The following BSG variants were observed in gnomAD, a reference collection of about 807,000 sequenced individuals.
The protein encoded by BSG is basigin (Ok blood group).
Under a neutral mutation model 43.1 loss-of-function variants are expected in BSG, and 37 were observed. The observed-to-expected ratio is 0.86, with a 90% CI of 0.66 to 1.13. The LOEUF is 1.13. BSG is among the 50% of genes most tolerant of loss of function. BSG has a pLI of 0.00. For missense variants in BSG, 599 were observed against 554.2 expected, an observed-to-expected ratio of 1.08 and a Z score of -0.81; for synonymous variants, 309 against 238.7, an observed-to-expected ratio of 1.29 and a Z score of -2.72.
Position 580,711 on chromosome 19 carries a change from G to T in BSG, c.721G>T (p.Val241Phe), listed in dbSNP as rs546180534. ...HINEGETAML[V>F]CKSESVPPVT... is the part of the protein sequence containing the mutation. ...CAACGAGGGGGAGACGGCCATGCTGGTCTGCAAGTCAGAGTCCGTGCCACC... is the reference window on the plus strand; with the variant it reads ...CAACGAGGGGGAGACGGCCATGCTGTTCTGCAAGTCAGAGTCCGTGCCACC... Residue 241 changes from valine (V) to phenylalanine (F), a missense_variant, in exon 5 of 9, where the codon GTC becomes TTC. Transcript: ENST00000333511. The T allele has an allele frequency of 1.2e-6, 2 of 1,612,874 alleles. No individual in the cohort carries two copies. The highest frequency in any genetic ancestry group is 1.7e-6 in the Non-Finnish European group (2 of 1,179,974).
chr19:571,525 C>G, upstream of BSG: 1 of 779,466 alleles, frequency 1.3e-6, no homozygotes, highest in Middle Eastern at 2.3e-4. Context: ...GGGACCCGAT[C>G]CTCCGCTCCT....
upstream of BSG, chr19:571,808 C>G (rs1014787440): frequency 1.7e-6 from 1 of 573,040 alleles, no homozygotes; most frequent in Non-Finnish European, 3.1e-6. Flanking sequence ...TGGACGCCCA[C>G]AATCTAAGCT....
chr19:580,371 G>GGTT lies in BSG; in HGVS notation c.573-6_573-4dup. On this transcript the variant is annotated splice_region_variant and splice_polypyrimidine_tract_variant and intron_variant, in intron 3 of 8. Coordinates refer to ENST00000333511, the MANE Select transcript of BSG (RefSeq NM_001728.4). ...GGTACGCGGCTCACCTGCCTGCTGT[G>GGTT]GTTGCAGGGTGGACTCCGACGACCA... 2 of 1,609,930 alleles carry GGTT rather than the reference G, an allele frequency of 1.2e-6. No individual in the cohort carries two copies. The highest frequency in any genetic ancestry group is 8.5e-7 in the Non-Finnish European group (1 of 1,179,482).
rs1272587160 is a variant in BSG, at chr19:575,943, G to GC, written c.68-1824dup. On this transcript the variant is annotated intron_variant, in intron 1 of 8. Transcript: ENST00000333511. ...TCTATGGAGGCTTTCTCTTCCGGAC[G>GC]CCCCCCCACCCCCAGTGACACGTCA... is the stretch of plus-strand genomic sequence containing the variant. Among the ~76,000 whole-genome samples, 16 of 152,042 alleles carry GC rather than the reference G, an allele frequency of 1.1e-4. No homozygotes were observed. The East Asian group carries it at 2.9e-3, about 28-fold the overall frequency.
At chr19:573,668 G>C (rs1453774390) in intron 1 of BSG, among the ~76,000 whole-genome samples, 1 of 152,132 alleles carries the variant, frequency 6.6e-6, no homozygotes, top group African/African-American at 2.4e-5. Context: ...CTTTACAGGC[G>C]AGGAAACAGC....
At position 581,355 on chromosome 19, in the gene BSG, C is replaced by A. The variant is rs1982299561; in HGVS notation, c.833C>A (p.Ser278Tyr). 1.9e-6 allele frequency: 3 copies of A among 1,612,654 alleles called. No homozygotes were observed. Among genetic ancestry groups the A allele is most frequent in the African/African-American group, 2.7e-5 (2 of 74,942 alleles). The part of the protein sequence containing the change: ...NGSESRFFVS[S>Y]SQGRSELHIE... ...TCCGAGAGCAGGTTCTTCGTGAGTT[C>A]CTCGCAGGGCCGGTCAGAGCTACAC... The change falls in exon 6 of 9, where the codon TCC becomes TAC. Residue 278 changes from serine to tyrosine, a missense_variant. Physicochemically the swap from Ser to Tyr is moderately radical, Grantham distance 144 (BLOSUM62 -2). Coordinates refer to ENST00000333511, the MANE Select transcript of BSG (RefSeq NM_001728.4).
chr19:573,909 T>C (rs1981519796), intron 1 of BSG, among the ~76,000 whole-genome samples: 1 of 152,222 alleles, frequency 6.6e-6, no homozygotes, highest in Non-Finnish European at 1.5e-5. Context: ...CCTTTCTTGC[T>C]TCATAGAAAA....
chr19:575,697 TG>T (rs28921973), intron 1 of BSG, among the ~76,000 whole-genome samples: 20,567 of 150,592 alleles, frequency 0.14, 1,635 homozygotes, highest in South Asian at 0.26. Flanking sequence ...CCCTGAGCCC[TG>T]GGCAAGGAGG....
At chr19:582,163 G>T in intron 6 of BSG, 143 bp from the exon 7 acceptor site, 1 of 1,017,512 alleles carries the variant, frequency 9.8e-7, no homozygotes, top group Admixed American at 2.7e-5. Flanking sequence ...CGTGGCCGGG[G>T]CTGATGAGCT....
chr19:571,829 G>A, upstream of BSG: 2 of 539,532 alleles, frequency 3.7e-6, no homozygotes, highest in Non-Finnish European at 6.6e-6. Context: ...GATCCCGGTT[G>A]GCTAAAACTT....
intron 5 of BSG, 21 bp downstream of exon 5, chr19:580,803 G>T: frequency 6.3e-7 from 1 of 1,587,018 alleles, no homozygotes. Flanking sequence ...AAGGAGGCTG[G>T]GGGTCCTGGA....
chr19:579,637 G>A lies in BSG; in HGVS notation c.553G>A (p.Gly185Ser), dbSNP rs371359926. 4.6e-5 allele frequency: 74 copies of A among 1,610,386 alleles called. No individual in the cohort carries two copies. The highest frequency in any genetic ancestry group is 2.7e-4 in the African/African-American group (20 of 74,894). ...GGTGCTGAAGGAGGACGCGCTGCCC[G>A]GCCAGAAAACGGAGTTCAAGTGAGT... ...GVVLKEDALP[G>S]QKTEFKVDSD... The change falls in exon 3 of 9, where the codon GGC becomes AGC. Residue 185 changes from glycine to serine, a missense_variant. Transcript: ENST00000333511.
chr19:581,775 C>T (rs1294825801), intron 6 of BSG, among the ~76,000 whole-genome samples, 184 bp downstream of exon 6: 1 of 152,272 alleles, frequency 6.6e-6, no homozygotes, highest in African/African-American at 2.4e-5. Context: ...AGCTGCGGCT[C>T]AGTGGGCAGC....
At chr19:579,095 G>A (rs927784732) in intron 2 of BSG, 1 of 461,730 alleles carries the variant, frequency 2.2e-6, no homozygotes, top group African/African-American at 2.0e-5. Flanking sequence ...GCTGCTACAA[G>A]AGCTCGATGC....
In BSG at chr19:578,045, C is replaced by T; in HGVS notation, c.339C>T (p.Asp113=). 6.2e-7 allele frequency: 1 copy of T among 1,611,334 alleles called. No individual in the cohort carries two copies. Among genetic ancestry groups the T allele is most frequent in the East Asian group, 2.2e-5 (1 of 44,836 alleles). Residue 113 remains aspartate (D), a synonymous_variant, in exon 2 of 9, where the codon GAC becomes GAT. Coordinates refer to ENST00000333511, the MANE Select transcript of BSG (RefSeq NM_001728.4). ...CTTACGAGTGCCGGGCCAGCAACGACCCGGATCGCAACCACCTGACCCGGG... is the reference window on the plus strand; with the variant it reads ...CTTACGAGTGCCGGGCCAGCAACGATCCGGATCGCAACCACCTGACCCGGG... The part of the protein sequence containing the change: ...TGTYECRASN[D]PDRNHLTRAP...
chr19:578,171 CCGCT>C, intron 2 of BSG, 50 bp downstream of exon 2: 1 of 1,451,742 alleles, frequency 6.9e-7, no homozygotes, highest in Non-Finnish European at 9.2e-7. Context: ...CCCTCCTGTG[CCGCT>C]CGCCTCCCGG....
Position 577,809 on chromosome 19 carries a change from TG to T in BSG, c.106del (p.Val36TrpfsTer84). The T allele has an allele frequency of 6.9e-7, 1 of 1,445,540 alleles. No individual in the cohort carries two copies. The allele number at this position is 1,445,540 out of a possible 1,614,324, so 89.5% of individuals were successfully genotyped here. A position where few individuals can be genotyped will look rare whatever the true frequency, so the allele number is the denominator to read the frequency against. ...FVQAPLSQQR[W>X]VGGSVELHCE... ...CCAGGCGCCGCTGTCCCAGCAGAGG[TG>T]GGTGGGGGGCAGTGTGGAGCTGCAC... On this transcript the variant is annotated frameshift_variant, in exon 2 of 9. Transcript: ENST00000333511. LOFTEE classifies it high-confidence loss of function.
chr19:583,020 G>A lies in BSG; in HGVS notation c.*276G>A, dbSNP rs1179037292. 4 of 192,174 alleles carry A rather than the reference G, an allele frequency of 2.1e-5. No homozygotes were observed. The highest frequency in any genetic ancestry group is 9.2e-5 in the South Asian group (1 of 10,854). 11.9% of individuals were successfully genotyped at this position (192,174 alleles called of 1,614,324 possible). On this transcript the variant is annotated 3_prime_UTR_variant, in exon 9 of 9. Coordinates refer to ENST00000333511, the MANE Select transcript of BSG (RefSeq NM_001728.4). ...CAGCCTCTGGGTCTGAGTCATGGCC[G>A]GGTGGGCGGCACAGCCTTCTCCACT...
intron 5 of BSG, 38 bp from the exon 6 acceptor site, chr19:581,277 G>A: frequency 6.3e-7 from 1 of 1,582,958 alleles, no homozygotes; most frequent in East Asian, 2.3e-5. Context: ...GGCCTAGACT[G>A]GGGGTCCTGG....
Sources: allele counts gnomAD v4.1 joint callset (sites outside exome capture counted in the v4.1 genomes callset), GRCh38; gene constraint gnomAD v4.1.1; transcripts MANE v1.5; gene names NCBI Gene and HGNC (gene_info 2026-07-23, HGNC 2026-07-21).